Variants in FNDC1 observed in about 807,000 individuals in gnomAD.
The protein encoded by FNDC1 is fibronectin type III domain-containing protein 1.
FNDC1 carries 96 observed loss-of-function variants against 168.0 expected under a neutral mutation model. That is an observed-to-expected ratio of 0.57 (90% CI 0.48 to 0.68). The LOEUF (loss-of-function observed/expected upper bound fraction) is 0.68. Ranked by LOEUF, FNDC1 falls within the 30% of genes least tolerant of loss-of-function variation. The pLI, the probability that FNDC1 is intolerant of heterozygous loss-of-function variation, is 0.00. For missense variants in FNDC1, 2,587 were observed against 2,482.1 expected, an observed-to-expected ratio of 1.04 and a Z score of -0.90; for synonymous variants, 1,099 against 1,025.9, an observed-to-expected ratio of 1.07 and a Z score of -1.36.
At chr6:159,198,537 A>G (rs1384308768) in intron 2 of FNDC1, among the ~76,000 whole-genome samples, 2 of 151,326 alleles carry the variant, frequency 1.3e-5, no homozygotes, top group Non-Finnish European at 2.9e-5. Flanking sequence ...CTAAATGTCC[A>G]TTTCCCTTAA....
chr6:159,226,687 A>G, intron 9 of FNDC1, 107 bp downstream of exon 9: 2 of 788,896 alleles, frequency 2.5e-6, no homozygotes, highest in African/African-American at 1.8e-5. Context: ...ACATATGTCT[A>G]AGAGGTGCTC....
chr6:159,178,690 A>G (rs964307965), intron 1 of FNDC1, among the ~76,000 whole-genome samples: 3 of 151,910 alleles, frequency 2.0e-5, no homozygotes, highest in African/African-American at 7.3e-5. Flanking sequence ...GACTATTTTT[A>G]AAAGTGTTTT....
rs187401766 is a variant in FNDC1, at chr6:159,173,135, C to T, written c.109+3430C>T. ...AGAAACATAACCTCCTTGGCATCCTCGTAAATTTAAGAATAGAAGATAATT... is the reference window on the plus strand; with the variant it reads ...AGAAACATAACCTCCTTGGCATCCTTGTAAATTTAAGAATAGAAGATAATT... On this transcript the variant is annotated intron_variant, in intron 1 of 22. Coordinates refer to ENST00000297267, the MANE Select transcript of FNDC1 (RefSeq NM_032532.3). Among the ~76,000 whole-genome samples, 5 of 152,304 alleles carry T rather than the reference C, an allele frequency of 3.3e-5. No individual in the cohort carries two copies. The East Asian group carries it at 9.6e-4, about 29-fold the overall frequency.
At chr6:159,176,005 C>T (rs1781752799) in intron 1 of FNDC1, among the ~76,000 whole-genome samples, 1 of 152,220 alleles carries the variant, frequency 6.6e-6, no homozygotes, top group South Asian at 2.1e-4. Flanking sequence ...CTGATGCTCA[C>T]AGCGTTAAAG....
In FNDC1 at chr6:159,196,127, C is replaced by A. The variant is rs191331914; in HGVS notation, c.110-1304C>A. Among the ~76,000 whole-genome samples the A allele has an allele frequency of 5.3e-5, 8 of 152,330 alleles. No homozygotes were observed. The East Asian group carries it at 1.4e-3, about 26-fold the overall frequency. ...ATTGGTGTCTTCATAGTCTTCCCAA[C>A]TCAAAATTTCCCAAAGAGCATGAGC... On this transcript the variant is annotated intron_variant, in intron 1 of 22. Transcript: ENST00000297267.
chr6:159,200,178 A>G (rs938296720), intron 3 of FNDC1, 96 bp downstream of exon 3: 1 of 989,056 alleles, frequency 1.0e-6, no homozygotes, highest in South Asian at 1.5e-5. Context: ...ATTTAGAGTT[A>G]TTAAATAATT....
chr6:159,202,234 G>A (rs1409535363), intron 4 of FNDC1, among the ~76,000 whole-genome samples: 5 of 151,882 alleles, frequency 3.3e-5, no homozygotes, highest in African/African-American at 9.7e-5. Context: ...CAACAACAAC[G>A]ACAACAACAA....
chr6:159,259,070 C>A (rs560849277), intron 18 of FNDC1, among the ~76,000 whole-genome samples: 465 of 152,334 alleles, frequency 3.1e-3, no homozygotes, highest in Non-Finnish European at 5.8e-3. Flanking sequence ...ATACTTAAAA[C>A]ACACAGACTT....
intron 1 of FNDC1, among the ~76,000 whole-genome samples, chr6:159,179,917 C>A (rs1289596957): frequency 6.6e-6 from 1 of 152,152 alleles, no homozygotes; most frequent in African/African-American, 2.4e-5. Context: ...GGGACAGTGC[C>A]CTGCTTCCCT....
Position 159,230,635 on chromosome 6 carries a change from G to A in FNDC1, c.1369+632G>A, listed in dbSNP as rs960108426. ...TTTCAGTTGTCTAGCTTACCTGATC[G>A]ATATCCAAACCAAACAAGTTAATAA... On this transcript the variant is annotated intron_variant, in intron 10 of 22. Coordinates refer to ENST00000297267, the MANE Select transcript of FNDC1 (RefSeq NM_032532.3). 5.3e-5 allele frequency among the ~76,000 whole-genome samples: 8 copies of A among 152,178 alleles called. No individual in the cohort carries two copies. In the East Asian group the frequency reaches 7.7e-4, roughly 15 times the overall value.
At chr6:159,256,767 C>G (rs1562310980) in intron 18 of FNDC1, 136 bp downstream of exon 18, 2 of 679,566 alleles carry the variant, frequency 2.9e-6, no homozygotes, top group South Asian at 1.8e-5. Flanking sequence ...AATAGAATGT[C>G]AATGCATGCT....
intron 1 of FNDC1, among the ~76,000 whole-genome samples, chr6:159,173,354 A>G (rs955685026): frequency 6.6e-6 from 1 of 152,174 alleles, no homozygotes; most frequent in Non-Finnish European, 1.5e-5. Flanking sequence ...CTGTGGCTCA[A>G]CCTGCATGTG....
At chr6:159,213,723 A>G (rs546722447) in intron 4 of FNDC1, among the ~76,000 whole-genome samples, 2 of 152,304 alleles carry the variant, frequency 1.3e-5, no homozygotes, top group South Asian at 4.1e-4. Flanking sequence ...AACCTTTAAA[A>G]CAATTACTAC....
intron 1 of FNDC1, among the ~76,000 whole-genome samples, chr6:159,188,374 T>C (rs976273207): frequency 3.8e-5 from 2 of 52,074 alleles, no homozygotes; most frequent in Non-Finnish European, 6.2e-5. Context: ...TCTTTCTTTT[T>C]TTTTTTTTTT....
intron 1 of FNDC1, 79 bp from the exon 2 acceptor site, chr6:159,197,352 A>C: frequency 1.5e-6 from 2 of 1,318,618 alleles, no homozygotes; most frequent in Non-Finnish European, 2.1e-6. Flanking sequence ...TGTTTTCCTA[A>C]CAATATCAAA....
intron 3 of FNDC1, 59 bp downstream of exon 3, chr6:159,200,141 C>A: frequency 1.6e-6 from 2 of 1,216,024 alleles, no homozygotes; most frequent in East Asian, 2.5e-5. Flanking sequence ...GAGAGACATC[C>A]CTCCTTGCTT....
chr6:159,244,820 G>A (rs1426254526), intron 14 of FNDC1, among the ~76,000 whole-genome samples: 2 of 152,176 alleles, frequency 1.3e-5, no homozygotes, highest in Non-Finnish European at 2.9e-5. Flanking sequence ...CCATCTGCAT[G>A]TCTCAGGCAT....
At chr6:159,212,721 T>A (rs1242164787) in intron 4 of FNDC1, among the ~76,000 whole-genome samples, 1 of 152,206 alleles carries the variant, frequency 6.6e-6, no homozygotes, top group African/African-American at 2.4e-5. Context: ...CTGCTGAGAA[T>A]ACTTTTTGTT....
Position 159,232,152 on chromosome 6 carries a change from G to A in FNDC1, c.1640G>A (p.Gly547Asp). The change falls in exon 11 of 23, where the codon GGT becomes GAT. Residue 547 changes from glycine (G) to aspartate (D), a missense_variant. Transcript: ENST00000297267. This position sits in a 1 kb window ranked among gnomAD's most constrained non-coding sequence, Gnocchi z 4.9. ...STEITGEEELGSREDSPMSPS... is the reference protein window; with the variant it reads ...STEITGEEELDSREDSPMSPS... ...GAAATCACTGGGGAGGAGGAGCTGG[G>A]TTCCCGGGAGGACTCGCCCATGTCA... 6.2e-7 allele frequency: 1 copy of A among 1,613,920 alleles called. No homozygotes were observed. The highest frequency in any genetic ancestry group is 8.5e-7 in the Non-Finnish European group (1 of 1,179,882).
Sources: allele counts gnomAD v4.1 joint callset (sites outside exome capture counted in the v4.1 genomes callset), GRCh38; gene constraint gnomAD v4.1.1; non-coding constraint Gnocchi (gnomAD v3.1); transcripts MANE v1.5; gene names NCBI Gene and HGNC (gene_info 2026-07-23, HGNC 2026-07-21).